YLPM1: variants seen among roughly 807,000 people sequenced by gnomAD.
YLPM1 encodes the protein YLP motif-containing protein 1.
A neutral mutation model predicts 230.0 loss-of-function variants in YLPM1; 99 were observed. The ratio of observed to expected loss-of-function variants is 0.43; its 90% CI spans 0.37 to 0.51. The LOEUF is 0.51. YLPM1 is among the 20% of genes least tolerant of loss of function. The probability of loss-of-function intolerance (pLI) is 0.00; values close to 1 mark genes in which losing one functional copy is unlikely to be tolerated. For synonymous variants in YLPM1, 984 were observed against 942.5 expected, an observed-to-expected ratio of 1.04 and a Z score of -0.81; for missense variants, 2,592 against 2,707.7, an observed-to-expected ratio of 0.96 and a Z score of 0.95.
At chr14:74,803,569 C>T (rs1486527927) in intron 6 of YLPM1, among the ~76,000 whole-genome samples, 2 of 152,134 alleles carry the variant, frequency 1.3e-5, no homozygotes, top group African/African-American at 4.8e-5. Context: ...ATCTCCTGAC[C>T]TTTGTACGCA....
intron 5 of YLPM1, among the ~76,000 whole-genome samples, 197 bp downstream of exon 5, chr14:74,799,894 T>C (rs1273768782): frequency 6.6e-6 from 1 of 152,232 alleles, no homozygotes; most frequent in East Asian, 1.9e-4. Context: ...GATAAACTTA[T>C]GCCCTAAGAT....
At chr14:74,826,452 C>T (rs900799235) in intron 18 of YLPM1, among the ~76,000 whole-genome samples, 2 of 152,104 alleles carry the variant, frequency 1.3e-5, no homozygotes, top group African/African-American at 2.4e-5. Context: ...AATGATTATA[C>T]TGGGTGGAAA....
In YLPM1 at chr14:74,810,720, T is replaced by TTTATTA. The variant is rs34344967; in HGVS notation, c.5228+320_5228+325dup. The stretch of plus-strand genomic sequence containing the variant: ...ATTTTTGCAATTCATGAGCTTTTTA[T>TTTATTA]TTATTATTATTATTATTATTATTAT... On this transcript the variant is annotated intron_variant, in intron 9 of 20. Transcript: ENST00000325680. 8.6e-5 allele frequency among the ~76,000 whole-genome samples: 13 copies of TTTATTA among 150,344 alleles called. No individual in the cohort carries two copies. The East Asian group carries it at 9.7e-4, about 11-fold the overall frequency.
In YLPM1 at chr14:74,818,315, G is replaced by T; in HGVS notation, c.6030+1G>T. On this transcript the variant is annotated splice_donor_variant, in intron 16 of 20. Transcript: ENST00000325680. LOFTEE classifies it high-confidence loss of function. ...GCTGCAAGATGCTGCTATTGAAGAG[G>T]TGAGTATCCTTTGGTTCAAATGCAA... 6.3e-7 allele frequency: 1 copy of T among 1,593,616 alleles called. No homozygotes were observed. The highest frequency in any genetic ancestry group is 8.5e-7 in the Non-Finnish European group (1 of 1,169,960).
In YLPM1 at chr14:74,816,264, G is replaced by A. The variant is rs768061803; in HGVS notation, c.5564G>A (p.Arg1855Gln). The part of the protein sequence containing the change: ...SGKTHVAKLI[R>Q]DKEVEFGGPA... Reference sequence around the variant, plus strand: ...AAGACACATGTTGCAAAACTTATTCGAGTGAGTATGGGGAAGCTGAAAAAT... The same window carrying A: ...AAGACACATGTTGCAAAACTTATTCAAGTGAGTATGGGGAAGCTGAAAAAT... Residue 1855 changes from arginine (R) to glutamine (Q), a missense_variant and splice_region_variant, in exon 12 of 21, where the codon CGA becomes CAA. By Grantham distance (43) the Arg-to-Gln change is conservative. Around this residue, in one of 4 missense-constraint regions of YLPM1, gnomAD observed 315 missense variants for 429.3 expected, o/e 0.73. Transcript: ENST00000325680. The A allele has an allele frequency of 1.2e-6, 2 of 1,610,890 alleles. No individual in the cohort carries two copies. Among genetic ancestry groups the A allele is most frequent in the Non-Finnish European group, 8.5e-7 (1 of 1,178,724 alleles).
At chr14:74,810,996 T>G (rs2091428926) in intron 9 of YLPM1, among the ~76,000 whole-genome samples, 1 of 151,892 alleles carries the variant, frequency 6.6e-6, no homozygotes, top group Non-Finnish European at 1.5e-5. Context: ...GCTAATTTTT[T>G]TTTTGTTTTT....
In YLPM1 at chr14:74,799,581, A is replaced by G. The variant is rs2091305170; in HGVS notation, c.4284A>G (p.Glu1428=). Residue 1428 remains glutamate, a synonymous_variant, in exon 5 of 21, where the codon GAA becomes GAG. Coordinates refer to ENST00000325680, the MANE Select transcript of YLPM1 (RefSeq NM_019589.3). ...TGCCCTCCTCACATCATTCCTCAGA[A>G]ATGATGGGGTCCGATGCAAGCTTAG... is the stretch of plus-strand genomic sequence containing the variant. The part of the protein sequence containing the change: ...EHMPSSHHSS[E]MMGSDASLDS... 1.2e-6 allele frequency: 2 copies of G among 1,613,948 alleles called. No individual in the cohort carries two copies. Among genetic ancestry groups the G allele is most frequent in the African/African-American group, 2.7e-5 (2 of 75,020 alleles).
chr14:74,824,020 G>A (rs533844247), intron 17 of YLPM1: 25 of 434,640 alleles, frequency 5.8e-5, no homozygotes, highest in Middle Eastern at 3.6e-4. Context: ...GCCTCAAAGC[G>A]CCTTCATGAT....
Position 74,809,724 on chromosome 14 carries a change from A to T in YLPM1, c.4866A>T (p.Pro1622=), listed in dbSNP as rs778221534. ...ACTCTTCCATTCCCCCTCCTGGCCCAGTGCCTATGGGTATGCCACCAATGT... is the reference window on the plus strand; with the variant it reads ...ACTCTTCCATTCCCCCTCCTGGCCCTGTGCCTATGGGTATGCCACCAATGT... ...PVHSSIPPPG[P]VPMGMPPMSK... The change falls in exon 7 of 21, where the codon CCA becomes CCT. Residue 1622 remains proline, a synonymous_variant. Coordinates refer to ENST00000325680, the MANE Select transcript of YLPM1 (RefSeq NM_019589.3). 1 of 1,614,026 alleles carries T rather than the reference A, an allele frequency of 6.2e-7. No homozygotes were observed. Among genetic ancestry groups the T allele is most frequent in the Non-Finnish European group, 8.5e-7 (1 of 1,179,898 alleles).
chr14:74,768,208 A>G (rs1457149191), intron 1 of YLPM1, among the ~76,000 whole-genome samples: 4 of 152,074 alleles, frequency 2.6e-5, no homozygotes, highest in African/African-American at 9.7e-5. Context: ...GGTGTTTTCT[A>G]GTTTTTCGGG....
intron 4 of YLPM1, among the ~76,000 whole-genome samples, chr14:74,786,361 CAAA>C (rs57016882): frequency 6.2e-5 from 5 of 80,188 alleles, no homozygotes; most frequent in Admixed American, 1.4e-4. Context: ...GACTCCGTCT[CAAA>C]AAAAAAAAAA....
chr14:74,816,615 C>T lies in YLPM1; in HGVS notation c.5610C>T (p.Ser1870=), dbSNP rs750841135. 6.8e-6 allele frequency: 11 copies of T among 1,613,496 alleles called. No homozygotes were observed. The highest frequency in any genetic ancestry group is 2.2e-5 in the East Asian group (1 of 44,846). The stretch of plus-strand genomic sequence containing the variant: ...GAGGACCTGCACCCAGAGTTCTAAG[C>T]CTGGATGATTACTTCATCACTGAAG... ...EFGGPAPRVL[S]LDDYFITEVE... The change falls in exon 13 of 21, where the codon AGC becomes AGT. Residue 1870 remains serine, a synonymous_variant. Coordinates refer to ENST00000325680, the MANE Select transcript of YLPM1 (RefSeq NM_019589.3).
Position 74,798,560 on chromosome 14 carries a change from G to A in YLPM1, c.3263G>A (p.Ser1088Asn). The part of the protein sequence containing the change: ...SRDRGLVRPG[S>N]SREKVPGGLQ... ...GACAGAGGGTTGGTGAGGCCTGGAA[G>A]CAGTCGGGAGAAAGTGCCAGGTGGT... The change falls in exon 5 of 21, where the codon AGC (serine) becomes AAC (asparagine). Residue 1088 changes from serine (S) to asparagine (N), a missense_variant. Physicochemically the swap from Ser to Asn is conservative, Grantham distance 46. Coordinates refer to ENST00000325680, the MANE Select transcript of YLPM1 (RefSeq NM_019589.3). The A allele has an allele frequency of 6.2e-7, 1 of 1,613,870 alleles. No homozygotes were observed. Among genetic ancestry groups the A allele is most frequent in the African/African-American group, 1.3e-5 (1 of 75,058 alleles).
At chr14:74,769,558 G>GT (rs1380378826) in intron 1 of YLPM1, among the ~76,000 whole-genome samples, 2 of 151,330 alleles carry the variant, frequency 1.3e-5, no homozygotes, top group African/African-American at 2.4e-5. Context: ...AAGTGCTGGG[G>GT]TTACAGGTGT....
intron 18 of YLPM1, 69 bp downstream of exon 18, chr14:74,824,376 T>C: frequency 1.3e-6 from 2 of 1,499,978 alleles, no homozygotes; most frequent in Non-Finnish European, 1.8e-6. Context: ...CTTTCTGCTA[T>C]AAGAGGAACA....
chr14:74,793,577 A>G (rs934013661), intron 4 of YLPM1, among the ~76,000 whole-genome samples: 2 of 152,174 alleles, frequency 1.3e-5, no homozygotes, highest in African/African-American at 4.8e-5. Context: ...CTCCAAATTC[A>G]GATCCTATTT....
chr14:74,817,027 T>G lies in YLPM1; in HGVS notation c.5782T>G (p.Phe1928Val), dbSNP rs2091484173. The G allele has an allele frequency of 6.2e-7, 1 of 1,611,728 alleles. No homozygotes were observed. Among genetic ancestry groups the G allele is most frequent in the Admixed American group, 1.7e-5 (1 of 59,608 alleles). Residue 1928 changes from phenylalanine to valine, a missense_variant, in exon 14 of 21, where the codon TTC (phenylalanine) becomes GTC (valine). Physicochemically the swap from Phe to Val is conservative, Grantham distance 50. Transcript: ENST00000325680. ...GACTCTGGATGATGGCTTTTTTCCC[T>G]TCATCATCCTGGATGCCATCAATGA... Reference protein sequence around the residue: ...KKTLDDGFFPFIILDAINDRV... With the variant: ...KKTLDDGFFPVIILDAINDRV...
At chr14:74,774,225 G>A (rs1316478074) in intron 1 of YLPM1, among the ~76,000 whole-genome samples, 1 of 152,158 alleles carries the variant, frequency 6.6e-6, no homozygotes, top group Non-Finnish European at 1.5e-5. Context: ...TGGCCACACA[G>A]TACACAGTAG....
In YLPM1 at chr14:74,781,706, G is replaced by GTGCCACCACCTGGCA. The variant is rs1464895560; in HGVS notation, c.1668_1682dup (p.Gly559_Pro563dup). 6.2e-7 allele frequency: 1 copy of GTGCCACCACCTGGCA among 1,600,300 alleles called. No homozygotes were observed. On this transcript the variant is annotated inframe_insertion, in exon 4 of 21. Coordinates refer to ENST00000325680, the MANE Select transcript of YLPM1 (RefSeq NM_019589.3). Reference sequence around the variant, plus strand: ...GATGCCCCCTGCCCTCCCTGCTACAGTGCCACCACCTGGCATGCCCCCACC... The same window carrying GTGCCACCACCTGGCA: ...GATGCCCCCTGCCCTCCCTGCTACAGTGCCACCACCTGGCATGCCACCACCTGGCATGCCCCCACC...
Sources: allele counts gnomAD v4.1 joint callset (sites outside exome capture counted in the v4.1 genomes callset), GRCh38; gene constraint gnomAD v4.1.1; regional missense constraint gnomAD v4.1.1; transcripts MANE v1.5; gene names NCBI Gene and HGNC (gene_info 2026-07-23, HGNC 2026-07-21).